MAPKBP1: variants seen among roughly 807,000 people sequenced by gnomAD.
MAPKBP1 encodes mitogen-activated protein kinase binding protein 1, also known as mitogen-activated protein kinase-binding protein 1.
In MAPKBP1, 71 loss-of-function variants were observed where a neutral mutation model predicts 170.5. The ratio of observed to expected loss-of-function variants is 0.42; its 90% CI spans 0.34 to 0.51. The LOEUF is 0.51. Ranked by LOEUF, MAPKBP1 falls within the 20% of genes least tolerant of loss-of-function variation. The probability of loss-of-function intolerance (pLI) is 0.06; values close to 1 mark genes in which losing one functional copy is unlikely to be tolerated. For synonymous variants in MAPKBP1, 719 were observed against 757.9 expected (o/e 0.95, Z 0.84); for missense variants, 1,598 against 1,933.0 (o/e 0.83, Z 3.25).
chr15:41,803,458 G>A (rs1302744026), intron 3 of MAPKBP1, among the ~76,000 whole-genome samples: 3 of 150,230 alleles, frequency 2.0e-5, no homozygotes, highest in African/African-American at 7.4e-5. Context: ...AGGGTGCAGT[G>A]GCTTTGGGAA....
intron 2 of MAPKBP1, among the ~76,000 whole-genome samples, chr15:41,779,425 G>C (rs898336621): frequency 3.9e-5 from 6 of 152,112 alleles, no homozygotes; most frequent in African/African-American, 1.4e-4. Context: ...TGGTCAGGCT[G>C]GTCTCAAACT....
At position 41,812,668 on chromosome 15, in the gene MAPKBP1, C is replaced by T. The variant is rs887969200; in HGVS notation, c.636+15C>T. 5.7e-6 allele frequency: 9 copies of T among 1,577,262 alleles called. No individual in the cohort carries two copies. In the African/African-American group the frequency reaches 1.1e-4, roughly 19 times the overall value. On this transcript the variant is annotated intron_variant, in intron 7 of 30. Coordinates refer to ENST00000457542, the MANE Select transcript of MAPKBP1 (RefSeq NM_014994.3). ...AGACCTCAAAGGTGAGGTGCTGAAG[C>T]TGGGAGTAGCCACCAAGGCCCCTGG... is the stretch of plus-strand genomic sequence containing the variant.
chr15:41,805,794 T>C (rs1029506973), intron 3 of MAPKBP1, among the ~76,000 whole-genome samples: 1 of 152,190 alleles, frequency 6.6e-6, no homozygotes, highest in Non-Finnish European at 1.5e-5. Flanking sequence ...CCAGGGACAG[T>C]AGAGAGACCA....
Position 41,825,566 on chromosome 15 carries a change from C to G in MAPKBP1, c.*130C>G. On this transcript the variant is annotated 3_prime_UTR_variant, in exon 31 of 31. Coordinates refer to ENST00000457542, the MANE Select transcript of MAPKBP1 (RefSeq NM_014994.3). Reference sequence around the variant, plus strand: ...GAGCAGTGTTCAGAGGCAAAGCAGCCTTCCCAGCCGCTCCTCGTGGGGGGC... The same window carrying G: ...GAGCAGTGTTCAGAGGCAAAGCAGCGTTCCCAGCCGCTCCTCGTGGGGGGC... The G allele has an allele frequency of 1.4e-6, 1 of 739,620 alleles. No homozygotes were observed. Among genetic ancestry groups the G allele is most frequent in the Non-Finnish European group, 2.1e-6 (1 of 470,888 alleles). 45.8% of individuals were successfully genotyped at this position (739,620 alleles called of 1,614,324 possible).
chr15:41,817,043 C>T lies in MAPKBP1; in HGVS notation c.1711+8C>T. 1 of 1,576,590 alleles carries T rather than the reference C, an allele frequency of 6.3e-7. No individual in the cohort carries two copies. ...CTGCTGTTAAGTTTGCAGGTGCGGG[C>T]AGGGTGAATGAGACACATCCTGCCA... On this transcript the variant is annotated splice_region_variant and intron_variant, in intron 14 of 30. Coordinates refer to ENST00000457542, the MANE Select transcript of MAPKBP1 (RefSeq NM_014994.3). The surrounding 1 kb of genome is among the most constrained non-coding windows in gnomAD (Gnocchi z 4.2).
chr15:41,805,960 G>A (rs2064683015), intron 3 of MAPKBP1, among the ~76,000 whole-genome samples: 1 of 152,168 alleles, frequency 6.6e-6, no homozygotes, highest in African/African-American at 2.4e-5. Context: ...GGAGAACCAT[G>A]GACCTCTCCC....
intron 4 of MAPKBP1, 79 bp downstream of exon 4, chr15:41,811,024 C>T (rs928527620): frequency 3.3e-5 from 52 of 1,576,274 alleles, no homozygotes; most frequent in Non-Finnish European, 4.4e-5. Flanking sequence ...CTCTATGGCT[C>T]TGGGGGCTGG....
At chr15:41,781,877 C>T (rs1043355989) in intron 2 of MAPKBP1, among the ~76,000 whole-genome samples, 1 of 152,068 alleles carries the variant, frequency 6.6e-6, no homozygotes, top group African/African-American at 2.4e-5. Context: ...CCTTTAGTGG[C>T]TCTTCTGGTC....
rs1269271903 is a variant in MAPKBP1 at position 41,826,865 on chromosome 15, TGAA to T, written c.*1432_*1434del. The T allele has an allele frequency of 6.6e-6, 1 of 152,110 alleles. No individual in the cohort carries two copies. The highest frequency in any genetic ancestry group is 2.4e-5 in the African/African-American group (1 of 41,364). 9.4% of individuals were successfully genotyped at this position (152,110 alleles called of 1,614,324 possible). A position where few individuals can be genotyped will look rare whatever the true frequency, so the allele number is the denominator to read the frequency against. The stretch of plus-strand genomic sequence containing the variant: ...GAGTGGGACCATGTCGTGAGGCAGT[TGAA>T]GAGTTGAGGAAAGGTTTTTCTGGGC... On this transcript the variant is annotated 3_prime_UTR_variant, in exon 31 of 31. Transcript: ENST00000457542.
chr15:41,777,999 C>T (rs1297162167), intron 2 of MAPKBP1, among the ~76,000 whole-genome samples: 1 of 152,126 alleles, frequency 6.6e-6, no homozygotes, highest in Admixed American at 6.5e-5. Flanking sequence ...ATTTTTAGGT[C>T]CAATTCTGTA....
Position 41,823,036 on chromosome 15 carries a change from C to T in MAPKBP1, c.3412C>T (p.Pro1138Ser), listed in dbSNP as rs751360230. The change falls in exon 28 of 31, where the codon CCC (proline) becomes TCC (serine). Residue 1138 changes from proline to serine, a missense_variant. Pro to Ser is a moderately conservative substitution (Grantham distance 74). Around this residue, in one of 6 missense-constraint regions of MAPKBP1, gnomAD observed 942 missense variants for 953.2 expected, o/e 0.99. Coordinates refer to ENST00000457542, the MANE Select transcript of MAPKBP1 (RefSeq NM_014994.3). Reference protein sequence around the residue: ...GEQPRGNGANPPGAPPEVEPS... With the variant: ...GEQPRGNGANSPGAPPEVEPS... Reference sequence around the variant, plus strand: ...GCAGCCGAGAGGCAATGGTGCCAATCCCCCTGGAGCACCCCCGGAGGTGGA... The same window carrying T: ...GCAGCCGAGAGGCAATGGTGCCAATTCCCCTGGAGCACCCCCGGAGGTGGA... The T allele has an allele frequency of 3.7e-6, 6 of 1,614,034 alleles. No individual in the cohort carries two copies. The highest frequency in any genetic ancestry group is 5.1e-6 in the Non-Finnish European group (6 of 1,179,980).
rs1487170796 is a variant in MAPKBP1 at position 41,819,388 on chromosome 15, C to G, written c.2425+9C>G. On this transcript the variant is annotated intron_variant, in intron 21 of 30. Transcript: ENST00000457542. ...TACCAAGAAGGCACTGGGTCTGTGGCAGTTGGGTGTGGGGGCAGACAGGCC... is the reference window on the plus strand; with the variant it reads ...TACCAAGAAGGCACTGGGTCTGTGGGAGTTGGGTGTGGGGGCAGACAGGCC... 1 of 1,613,604 alleles carries G rather than the reference C, an allele frequency of 6.2e-7. No individual in the cohort carries two copies.
At chr15:41,784,893 T>TAAAA (rs35451237) in intron 2 of MAPKBP1, among the ~76,000 whole-genome samples, 18 of 105,650 alleles carry the variant, frequency 1.7e-4, no homozygotes, top group African/African-American at 5.4e-4. Flanking sequence ...ACCCTATCTG[T>TAAAA]AAAAAAAAAA....
At chr15:41,815,129 G>A (rs1322467732) in intron 10 of MAPKBP1, 130 bp from the exon 11 acceptor site, 2 of 1,050,666 alleles carry the variant, frequency 1.9e-6, no homozygotes, top group Non-Finnish European at 2.8e-6. Flanking sequence ...AGTTATGTAT[G>A]GCCTGTGACA....
In MAPKBP1 at chr15:41,815,484, C is replaced by T. The variant is rs2064874998; in HGVS notation, c.1317+79C>T. On this transcript the variant is annotated intron_variant, in intron 11 of 30. Transcript: ENST00000457542. The stretch of plus-strand genomic sequence containing the variant: ...AGCTATTGCACCTTGTTACTGGGAA[C>T]TGGTCCCTAGGCCTTGGCCTTCCAG... 5.1e-6 allele frequency: 8 copies of T among 1,581,642 alleles called. No homozygotes were observed. The African/African-American group carries it at 8.1e-5, about 16-fold the overall frequency.
At position 41,819,547 on chromosome 15, in the gene MAPKBP1, C is replaced by CAGGGG. The variant is rs765528665; in HGVS notation, c.2426-48_2426-47insAGGGG. ...GGGCCAGGGCTCCAGGGTTGGGTGGCGGGGGGGGGGCAGGAGACACTTCCT... is the reference window on the plus strand; with the variant it reads ...GGGCCAGGGCTCCAGGGTTGGGTGGCAGGGGGGGGGGGGGGCAGGAGACACTTCCT... On this transcript the variant is annotated intron_variant, in intron 21 of 30. Transcript: ENST00000457542. The CAGGGG allele has an allele frequency of 8.3e-4, 1,030 of 1,234,548 alleles. 5 individuals carry two copies. Among genetic ancestry groups the CAGGGG allele is most frequent in the East Asian group, 1.2e-3 (44 of 35,504 alleles). 76.5% of individuals were successfully genotyped at this position (1,234,548 alleles called of 1,614,324 possible). A position where few individuals can be genotyped will look rare whatever the true frequency, so the allele number is the denominator to read the frequency against.
In MAPKBP1 at chr15:41,819,044, C is replaced by A. The variant is rs572234865; in HGVS notation, c.2291+87C>A. ...GCACTTCCTCCATGCTTTGGGCCTG[C>A]CATTCAGCAACTCTGTCTCCCAAGA... On this transcript the variant is annotated intron_variant, in intron 20 of 30. Transcript: ENST00000457542. The A allele has an allele frequency of 6.3e-5, 99 of 1,568,304 alleles. 1 individual carries two copies. In the East Asian group the frequency reaches 2.2e-3, roughly 35 times the overall value.
chr15:41,776,174 A>G (rs1346023652), intron 2 of MAPKBP1, among the ~76,000 whole-genome samples: 1 of 152,222 alleles, frequency 6.6e-6, no homozygotes, highest in Non-Finnish European at 1.5e-5. Flanking sequence ...GAGGGAATCC[A>G]GGGCTTTACT....
At chr15:41,793,065 A>G (rs535166184) in intron 2 of MAPKBP1, among the ~76,000 whole-genome samples, 276 of 152,330 alleles carry the variant, frequency 1.8e-3, no homozygotes, top group Non-Finnish European at 2.8e-3. Context: ...TTGAATGCAG[A>G]TGCAGATATG....
Sources: gnomAD v4.1 joint callset for allele counts (sites outside exome capture counted in the v4.1 genomes callset) on GRCh38, gnomAD v4.1.1 for gene constraint, gnomAD v4.1.1 regional missense constraint, Gnocchi (gnomAD v3.1) non-coding constraint, MANE v1.5 for transcripts, NCBI Gene and HGNC (gene_info 2026-07-23, HGNC 2026-07-21) for gene names.